ADAMTS12: variants seen among roughly 807,000 people sequenced by gnomAD.
The protein encoded by ADAMTS12 is A disintegrin and metalloproteinase with thrombospondin motifs 12.
A neutral mutation model predicts 167.8 loss-of-function variants in ADAMTS12; 118 were observed. That is an observed-to-expected ratio of 0.70 (90% confidence interval 0.61 to 0.82). The LOEUF (loss-of-function observed/expected upper bound fraction) is 0.82, where lower values mean the gene tolerates loss of function less well. Ranked by LOEUF, ADAMTS12 falls within the 40% of genes least tolerant of loss-of-function variation. ADAMTS12 has a pLI of 0.00. For synonymous variants in ADAMTS12, 704 were observed against 716.9 expected, an observed-to-expected ratio of 0.98 and a Z score of 0.29; for missense variants, 1,916 against 1,998.8, an observed-to-expected ratio of 0.96 and a Z score of 0.79.
chr5:33,556,235 A>T (rs154218), intron 20 of ADAMTS12, among the ~76,000 whole-genome samples: 152,331 of 152,346 alleles, frequency 1, 76,158 homozygotes, highest in Middle Eastern at 1. Flanking sequence ...TGTCACATAC[A>T]GATTAATGAC....
chr5:33,781,649 T>C (rs908645177), intron 2 of ADAMTS12, among the ~76,000 whole-genome samples: 4 of 152,204 alleles, frequency 2.6e-5, no homozygotes, highest in African/African-American at 9.6e-5. Context: ...AAATTTATCC[T>C]GCCTGCCCTT....
At chr5:33,622,971 T>A (rs78658744) in intron 14 of ADAMTS12, among the ~76,000 whole-genome samples, 1,909 of 152,266 alleles carry the variant, frequency 0.013, 19 homozygotes, top group Middle Eastern at 0.031. Context: ...TCTCACAACT[T>A]AAGCTTAGTA....
At chr5:33,859,737 G>A (rs961849129) in intron 2 of ADAMTS12, among the ~76,000 whole-genome samples, 39 of 152,262 alleles carry the variant, frequency 2.6e-4, no homozygotes, top group African/African-American at 7.7e-4. Flanking sequence ...AGCAGGGGTC[G>A]ACAGACACCT....
At chr5:33,815,911 A>C (rs763228663) in intron 2 of ADAMTS12, among the ~76,000 whole-genome samples, 10 of 152,176 alleles carry the variant, frequency 6.6e-5, no homozygotes, top group Admixed American at 1.3e-4. Context: ...ACATACCAAG[A>C]AAATGTCCAG....
intron 22 of ADAMTS12, among the ~76,000 whole-genome samples, chr5:33,542,205 A>T (rs1479174446): frequency 6.6e-6 from 1 of 152,202 alleles, no homozygotes; most frequent in Non-Finnish European, 1.5e-5. Flanking sequence ...CTCTGATAAA[A>T]CAGACTTTAA....
chr5:33,634,023 G>A (rs747650020), intron 12 of ADAMTS12, among the ~76,000 whole-genome samples: 3 of 152,104 alleles, frequency 2.0e-5, no homozygotes, highest in Non-Finnish European at 4.4e-5. Flanking sequence ...TAGGAAAAGA[G>A]ATGAACTTAC....
intron 3 of ADAMTS12, among the ~76,000 whole-genome samples, chr5:33,698,320 T>A (rs151143705): frequency 7.4e-4 from 112 of 152,314 alleles, no homozygotes; most frequent in Middle Eastern, 3.4e-3. Flanking sequence ...CTGCAAAAGA[T>A]CTGCAGATAG....
intron 20 of ADAMTS12, among the ~76,000 whole-genome samples, chr5:33,552,617 T>C (rs1467451148): frequency 6.6e-6 from 1 of 152,214 alleles, no homozygotes; most frequent in Non-Finnish European, 1.5e-5. Flanking sequence ...AAGAATTCCT[T>C]TCTGGCCTTA....
chr5:33,567,719 T>C (rs911673053), intron 19 of ADAMTS12, among the ~76,000 whole-genome samples: 3 of 152,244 alleles, frequency 2.0e-5, no homozygotes, highest in African/African-American at 4.8e-5. Context: ...AAAGTAACCA[T>C]GAGTGGCCTC....
rs578150520 is a variant in ADAMTS12, at chr5:33,614,463, T to C, written c.2389-87A>G. ...TAAAAACACCACAAAATGTCAGTCA[T>C]CTAAAATTAGTAATGGGAGCATGCA... On this transcript the variant is annotated intron_variant, in intron 15 of 23. Transcript: ENST00000504830. 52 of 1,521,618 alleles carry C rather than the reference T, an allele frequency of 3.4e-5. No individual in the cohort carries two copies. The South Asian group carries it at 5.9e-4, about 17-fold the overall frequency. The allele number at this position is 1,521,618 out of a possible 1,614,324, so 94.3% of individuals were successfully genotyped here.
intron 20 of ADAMTS12, among the ~76,000 whole-genome samples, chr5:33,554,485 T>C (rs1745401644): frequency 6.6e-6 from 1 of 152,128 alleles, no homozygotes; most frequent in Admixed American, 6.5e-5. Flanking sequence ...GTCAAGAGAG[T>C]GTGATGGTTT....
intron 3 of ADAMTS12, among the ~76,000 whole-genome samples, chr5:33,740,888 C>T (rs28585053): frequency 0.55 from 84,016 of 152,054 alleles, 24,150 homozygotes; most frequent in Non-Finnish European, 0.62. Flanking sequence ...GAGGCCACGT[C>T]CCAGGCCCCA....
chr5:33,683,780 C>G (rs1742218842), intron 4 of ADAMTS12, 79 bp downstream of exon 4: 1 of 1,139,358 alleles, frequency 8.8e-7, no homozygotes, highest in Non-Finnish European at 1.2e-6. Flanking sequence ...CCCAAAAAGG[C>G]CTTTCTTATT....
rs1176851577 is a variant in ADAMTS12, at chr5:33,834,388, A to AGAT, written c.489+46728_489+46730dup. ...TGAGTGTTTCAAATATTCTACAATA[A>AGAT]GATGTATTATTTTCATATATAGAGA... On this transcript the variant is annotated intron_variant, in intron 2 of 23. Coordinates refer to ENST00000504830, the MANE Select transcript of ADAMTS12 (RefSeq NM_030955.4). 2.6e-5 allele frequency among the ~76,000 whole-genome samples: 4 copies of AGAT among 152,322 alleles called. No individual in the cohort carries two copies. In the East Asian group the frequency reaches 7.7e-4, roughly 29 times the overall value.
At chr5:33,569,058 G>T (rs1007196264) in intron 19 of ADAMTS12, among the ~76,000 whole-genome samples, 10 of 152,350 alleles carry the variant, frequency 6.6e-5, no homozygotes, top group African/African-American at 2.4e-4. Flanking sequence ...ACCTGCCATT[G>T]CCCAGGCTCA....
chr5:33,662,565 G>T (rs186914160), intron 5 of ADAMTS12, among the ~76,000 whole-genome samples: 3 of 152,260 alleles, frequency 2.0e-5, no homozygotes, highest in East Asian at 3.9e-4. Context: ...ATCTCTCCAG[G>T]CTGCTGACCA....
chr5:33,842,352 T>G (rs1465609351), intron 2 of ADAMTS12, among the ~76,000 whole-genome samples: 1 of 152,232 alleles, frequency 6.6e-6, no homozygotes, highest in African/African-American at 2.4e-5. Flanking sequence ...GGTGCTTTAC[T>G]TAGGGAACTA....
chr5:33,839,189 C>T (rs940461645), intron 2 of ADAMTS12, among the ~76,000 whole-genome samples: 1 of 152,172 alleles, frequency 6.6e-6, no homozygotes, highest in Non-Finnish European at 1.5e-5. Flanking sequence ...TTTAGAAAGG[C>T]ACTTAACATG....
intron 5 of ADAMTS12, among the ~76,000 whole-genome samples, chr5:33,675,904 G>A (rs2112246167): frequency 6.6e-6 from 1 of 152,276 alleles, no homozygotes; most frequent in East Asian, 1.9e-4. Flanking sequence ...GGACTTCAGA[G>A]AGACTATGAT....
Sources: allele counts gnomAD v4.1 joint callset (sites outside exome capture counted in the v4.1 genomes callset), GRCh38; gene constraint gnomAD v4.1.1; transcripts MANE v1.5; gene names NCBI Gene and HGNC (gene_info 2026-07-23, HGNC 2026-07-21).